The following UBXN4 variants were observed in gnomAD, a reference collection of about 807,000 sequenced individuals.
The protein encoded by UBXN4 is UBX domain protein 4.
In UBXN4, 35 loss-of-function variants were observed where a neutral mutation model predicts 66.2. The observed-to-expected ratio is 0.53, with a 90% confidence interval of 0.40 to 0.70. UBXN4 has a LOEUF of 0.70. UBXN4 is among the 30% of genes least tolerant of loss of function. The pLI is 0.00. For missense variants in UBXN4, 533 were observed against 599.8 expected (o/e 0.89, Z 1.16); for synonymous variants, 203 against 204.5 (o/e 0.99, Z 0.06).
In UBXN4 at chr2:135,783,165, T is replaced by C. The variant is rs1050191721; in HGVS notation, c.*278T>C. ...CTGCCTCCATCAGCTTCTTATTTAG[T>C]ATTTCATATGCCCATTAGCCCTATG... On this transcript the variant is annotated 3_prime_UTR_variant, in exon 13 of 13. Transcript: ENST00000272638. 5 of 258,918 alleles carry C rather than the reference T, an allele frequency of 1.9e-5. No individual in the cohort carries two copies. The highest frequency in any genetic ancestry group is 3.7e-5 in the Non-Finnish European group (5 of 135,908). 16.0% of individuals were successfully genotyped at this position (258,918 alleles called of 1,614,324 possible).
chr2:135,756,376 T>C (rs1051045625), intron 5 of UBXN4, among the ~76,000 whole-genome samples: 1 of 152,196 alleles, frequency 6.6e-6, no homozygotes, highest in Non-Finnish European at 1.5e-5. Context: ...GCTCATTACC[T>C]TGCTAGGAAG....
chr2:135,753,761 C>G (rs945220012), intron 3 of UBXN4, 194 bp downstream of exon 3: 3 of 530,862 alleles, frequency 5.7e-6, no homozygotes, highest in Non-Finnish European at 9.7e-6. Flanking sequence ...AAAAGTAACT[C>G]AATGGTGTAG....
chr2:135,751,210 G>A (rs1162889206), intron 2 of UBXN4, among the ~76,000 whole-genome samples: 3 of 147,470 alleles, frequency 2.0e-5, no homozygotes, highest in East Asian at 2.0e-4. Context: ...TTTTTGAGAC[G>A]GAGTCTCGCT....
chr2:135,776,171 C>G (rs2077413288), intron 9 of UBXN4, 78 bp from the exon 10 acceptor site: 1 of 1,219,174 alleles, frequency 8.2e-7, no homozygotes, highest in Non-Finnish European at 1.2e-6. Context: ...ATTTCCACTT[C>G]CATTTTCTCT....
chr2:135,747,625 G>A, intron 1 of UBXN4: 2 of 456,488 alleles, frequency 4.4e-6, no homozygotes, highest in South Asian at 3.1e-5. Context: ...ATAAAGGACA[G>A]ATATCAAACT....
rs559209921 is a variant in UBXN4, at chr2:135,776,257, C to A, written c.959C>A (p.Ala320Glu). ...ESYARERSTV[A>E]RIQFRLPDGS... ...ATTTTCTTTTTTCATAGCACTGTTG[C>A]AAGAATTCAATTCCGTCTTCCTGAT... Residue 320 changes from alanine to glutamate, a missense_variant, in exon 10 of 13, where the codon GCA (alanine) becomes GAA (glutamate). Physicochemically the swap from Ala to Glu is moderately radical, Grantham distance 107. Transcript: ENST00000272638. 1 of 1,613,660 alleles carries A rather than the reference C, an allele frequency of 6.2e-7. No individual in the cohort carries two copies. Among genetic ancestry groups the A allele is most frequent in the Non-Finnish European group, 8.5e-7 (1 of 1,179,764 alleles).
chr2:135,754,053 A>G (rs781335344), intron 3 of UBXN4, 106 bp from the exon 4 acceptor site: 16 of 794,262 alleles, frequency 2.0e-5, no homozygotes, highest in Non-Finnish European at 3.1e-5. Context: ...GTTAGATTAT[A>G]TTGTGAAAAT....
chr2:135,784,728 A>T lies in UBXN4; in HGVS notation c.*1841A>T, dbSNP rs1447854493. The T allele has an allele frequency of 6.5e-6, 1 of 152,676 alleles. No homozygotes were observed. 9.5% of individuals were successfully genotyped at this position (152,676 alleles called of 1,614,324 possible). A position where few individuals can be genotyped will look rare whatever the true frequency, so the allele number is the denominator to read the frequency against. ...CCCTACTAATAATTATTAGAAATACATTTAAAAACATCGAGTACCTCAAGT... is the reference window on the plus strand; with the variant it reads ...CCCTACTAATAATTATTAGAAATACTTTTAAAAACATCGAGTACCTCAAGT... On this transcript the variant is annotated 3_prime_UTR_variant, in exon 13 of 13. Transcript: ENST00000272638.
chr2:135,770,615 A>C lies in UBXN4; in HGVS notation c.702A>C (p.Glu234Asp), dbSNP rs2077377940. ...KEIERRKTGK[E>D]MLDYKRKQEE... Reference sequence around the variant, plus strand: ...TTGAGAGGAGAAAAACTGGAAAAGAAATGTTGGATTATAAAAGAAAACAAG... The same window carrying C: ...TTGAGAGGAGAAAAACTGGAAAAGACATGTTGGATTATAAAAGAAAACAAG... Residue 234 changes from glutamate (E) to aspartate (D), a missense_variant, in exon 8 of 13, where the codon GAA becomes GAC. Transcript: ENST00000272638. The C allele has an allele frequency of 1.9e-6, 3 of 1,547,336 alleles. No individual in the cohort carries two copies. Among genetic ancestry groups the C allele is most frequent in the Middle Eastern group, 3.5e-4 (2 of 5,792 alleles).
At chr2:135,759,286 A>T (rs545294032) in intron 5 of UBXN4, among the ~76,000 whole-genome samples, 3 of 152,282 alleles carry the variant, frequency 2.0e-5, no homozygotes, top group East Asian at 1.9e-4. Context: ...AGAAATTTTT[A>T]AAAATAACAA....
rs376050878 is a variant in UBXN4 at position 135,741,948 on chromosome 2, G to T, written c.19G>T (p.Ala7Ser). The T allele has an allele frequency of 9.3e-6, 15 of 1,612,902 alleles. No individual in the cohort carries two copies. The African/African-American group carries it at 1.9e-4, about 20-fold the overall frequency. The part of the protein sequence containing the change: MLWFQG[A>S]IPAAIATAKR... ...GGGAGCGATGCTGTGGTTCCAGGGC[G>T]CCATTCCGGCCGCCATCGCGACGGC... The change falls in exon 1 of 13, where the codon GCC (alanine) becomes TCC (serine). Residue 7 changes from alanine to serine, a missense_variant. Physicochemically the swap from Ala to Ser is moderately conservative, Grantham distance 99. This residue lies in a region of UBXN4 where 529 missense variants were observed against 580.1 expected (regional missense o/e 0.91). Coordinates refer to ENST00000272638, the MANE Select transcript of UBXN4 (RefSeq NM_014607.4).
intron 10 of UBXN4, among the ~76,000 whole-genome samples, chr2:135,778,226 A>G (rs1212316006): frequency 6.6e-6 from 1 of 151,664 alleles, no homozygotes; most frequent in Non-Finnish European, 1.5e-5. Flanking sequence ...CCACCTCAGT[A>G]CAGTTATCAA....
chr2:135,774,962 A>G (rs981088399), intron 9 of UBXN4, among the ~76,000 whole-genome samples: 3 of 152,224 alleles, frequency 2.0e-5, no homozygotes, highest in Non-Finnish European at 4.4e-5. Flanking sequence ...TCAATTATAA[A>G]GACACCCAGT....
chr2:135,764,308 A>C (rs889624444), intron 6 of UBXN4, among the ~76,000 whole-genome samples: 1 of 152,064 alleles, frequency 6.6e-6, no homozygotes, highest in Admixed American at 6.6e-5. Context: ...TTCAAAGAAA[A>C]CTAATTTTGT....
chr2:135,773,420 C>T (rs1292111982), intron 9 of UBXN4, among the ~76,000 whole-genome samples: 1 of 152,174 alleles, frequency 6.6e-6, no homozygotes, highest in East Asian at 1.9e-4. Flanking sequence ...AGAGATTAAC[C>T]TTTTCTCTCT....
chr2:135,749,831 G>T (rs2077231470), intron 2 of UBXN4, among the ~76,000 whole-genome samples: 1 of 152,192 alleles, frequency 6.6e-6, no homozygotes, highest in South Asian at 2.1e-4. Context: ...CTCTCAGTAT[G>T]TAGGCTTCTC....
chr2:135,782,836 T>C lies in UBXN4; in HGVS notation c.1476T>C (p.Asp492=), dbSNP rs770581183. ...GKIYRLRTQD[D]GEDENNTWNG... ...TTTATAGATTAAGGACTCAAGATGATGGTGAAGATGAAAACAACACTTGGA... is the reference window on the plus strand; with the variant it reads ...TTTATAGATTAAGGACTCAAGATGACGGTGAAGATGAAAACAACACTTGGA... Residue 492 remains aspartate (D), a synonymous_variant, in exon 13 of 13, where the codon GAT becomes GAC. Transcript: ENST00000272638. 6 of 1,613,932 alleles carry C rather than the reference T, an allele frequency of 3.7e-6. No homozygotes were observed. Among genetic ancestry groups the C allele is most frequent in the South Asian group, 1.1e-5 (1 of 91,062 alleles).
At chr2:135,747,742 C>T (rs541490226) in intron 1 of UBXN4, 17 of 455,084 alleles carry the variant, frequency 3.7e-5, no homozygotes, top group African/African-American at 3.4e-4. Flanking sequence ...GCAAGCAATT[C>T]TCCTGCCTCA....
rs201678614 is a variant in UBXN4 at position 135,779,002 on chromosome 2, G to A, written c.1108G>A (p.Glu370Lys). ...FSLATMFPRR[E>K]FTKEDYKKKL... Reference sequence around the variant, plus strand: ...GTTAGCAACCATGTTTCCCAGGAGGGAATTTACCAAAGAAGATTATAAAAA... The same window carrying A: ...GTTAGCAACCATGTTTCCCAGGAGGAAATTTACCAAAGAAGATTATAAAAA... Residue 370 changes from glutamate to lysine, a missense_variant, in exon 11 of 13, where the codon GAA (glutamate) becomes AAA (lysine). Glu to Lys is a moderately conservative substitution (Grantham distance 56). Coordinates refer to ENST00000272638, the MANE Select transcript of UBXN4 (RefSeq NM_014607.4). 314 of 1,613,654 alleles carry A rather than the reference G, an allele frequency of 1.9e-4. No homozygotes were observed. The highest frequency in any genetic ancestry group is 2.5e-4 in the Non-Finnish European group (292 of 1,179,822).
Sources: allele counts gnomAD v4.1 joint callset (sites outside exome capture counted in the v4.1 genomes callset), GRCh38; gene constraint gnomAD v4.1.1; regional missense constraint gnomAD v4.1.1; transcripts MANE v1.5; gene names NCBI Gene and HGNC (gene_info 2026-07-23, HGNC 2026-07-21).